The following RASGRP3 variants were observed in gnomAD, a reference collection of about 807,000 sequenced individuals.
RASGRP3 encodes RAS guanyl releasing protein 3.
In RASGRP3, 54 loss-of-function variants were observed where a neutral mutation model predicts 82.7. The observed-to-expected ratio is 0.65, with a 90% CI of 0.52 to 0.82. The LOEUF (loss-of-function observed/expected upper bound fraction) is 0.82. Among genes scored for constraint, RASGRP3 ranks in the 40% least tolerant of loss-of-function variants. The pLI is 0.00. For missense variants in RASGRP3, 861 were observed against 828.9 expected, an observed-to-expected ratio of 1.04 and a Z score of -0.48; for synonymous variants, 309 against 300.5, an observed-to-expected ratio of 1.03 and a Z score of -0.29.
At chr2:33,517,622 A>G (rs1307874475) in intron 4 of RASGRP3, among the ~76,000 whole-genome samples, 1 of 152,194 alleles carries the variant, frequency 6.6e-6, no homozygotes, top group Non-Finnish European at 1.5e-5. Flanking sequence ...ACAGTCTATA[A>G]GGTCTGTGGA....
intron 1 of RASGRP3, among the ~76,000 whole-genome samples, chr2:33,496,296 G>A (rs1274704002): frequency 6.6e-6 from 1 of 152,208 alleles, no homozygotes; most frequent in African/African-American, 2.4e-5. Context: ...GTGTGGACAG[G>A]AACTCTGCTC....
intron 2 of RASGRP3, among the ~76,000 whole-genome samples, chr2:33,463,701 C>T (rs1047832468): frequency 6.0e-5 from 9 of 149,556 alleles, no homozygotes; most frequent in South Asian, 4.2e-4. Context: ...CAGGTTCAAG[C>T]GATTCTCCTG....
At chr2:33,546,055 C>G (rs1369426815) in intron 13 of RASGRP3, among the ~76,000 whole-genome samples, 1 of 151,902 alleles carries the variant, frequency 6.6e-6, no homozygotes, top group Non-Finnish European at 1.5e-5. Flanking sequence ...GGTGATCCAC[C>G]TGCCTTGGCC....
chr2:33,535,493 G>C (rs1673517752), intron 11 of RASGRP3, among the ~76,000 whole-genome samples: 1 of 152,224 alleles, frequency 6.6e-6, no homozygotes, highest in Non-Finnish European at 1.5e-5. Flanking sequence ...TGCCCCCTAA[G>C]TTTATTAATA....
At position 33,559,019 on chromosome 2, in the gene RASGRP3, C is replaced by G; in HGVS notation, c.2053C>G (p.Gln685Glu). 1 of 1,606,272 alleles carries G rather than the reference C, an allele frequency of 6.2e-7. No homozygotes were observed. The highest frequency in any genetic ancestry group is 8.5e-7 in the Non-Finnish European group (1 of 1,176,808). The change falls in exon 17 of 18, where the codon CAG (glutamine) becomes GAG (glutamate). Residue 685 changes from glutamine to glutamate, a missense_variant. By Grantham distance (29) the Gln-to-Glu change is conservative. Coordinates refer to ENST00000403687, the MANE Select transcript of RASGRP3 (RefSeq NM_001139488.2). ...LDQDEGEETR[Q>E]DGEDG ...CCAGGATGAAGGAGAAGAGACCAGACAGGATGGTGAGGTAAGTGCTAGGTC... is the reference window on the plus strand; with the variant it reads ...CCAGGATGAAGGAGAAGAGACCAGAGAGGATGGTGAGGTAAGTGCTAGGTC...
intron 1 of RASGRP3, among the ~76,000 whole-genome samples, chr2:33,439,686 A>G (rs1574207685): frequency 6.6e-6 from 1 of 152,192 alleles, no homozygotes; most frequent in East Asian, 1.9e-4. Context: ...CTTCAAGGGA[A>G]CTGAGAGTCA....
At chr2:33,549,574 A>G (rs1675173035) in intron 13 of RASGRP3, 30 bp from the exon 14 acceptor site, 1 of 1,594,754 alleles carries the variant, frequency 6.3e-7, no homozygotes, top group East Asian at 2.2e-5. Context: ...TTATTTAAAG[A>G]TTCCCTCCCT....
chr2:33,493,096 C>G (rs1668998018), intron 1 of RASGRP3: 1 of 152,102 alleles, frequency 6.6e-6, no homozygotes, highest in South Asian at 2.1e-4. Context: ...AACCAAGGGG[C>G]CTCTTTGAAT....
rs1248471257 is a variant in RASGRP3 at position 33,543,529 on chromosome 2, T to C, written c.1296T>C (p.Tyr432=). 3 of 1,605,172 alleles carry C rather than the reference T, an allele frequency of 1.9e-6. No homozygotes were observed. Among genetic ancestry groups the C allele is most frequent in the African/African-American group, 2.7e-5 (2 of 74,736 alleles). ...CTTTGCAGTCTGTATTTAGAAACTATGATCACGACCATGATGGGTACATTT... is the reference window on the plus strand; with the variant it reads ...CTTTGCAGTCTGTATTTAGAAACTACGATCACGACCATGATGGGTACATTT... ...RKLVESVFRN[Y]DHDHDGYISQ... Residue 432 remains tyrosine (Y), a synonymous_variant, in exon 13 of 18, where the codon TAT becomes TAC. Coordinates refer to ENST00000403687, the MANE Select transcript of RASGRP3 (RefSeq NM_001139488.2).
At chr2:33,530,552 G>C (rs1342288863) in intron 10 of RASGRP3, among the ~76,000 whole-genome samples, 2 of 143,760 alleles carry the variant, frequency 1.4e-5, no homozygotes, top group East Asian at 4.0e-4. Context: ...ATTTACAAAG[G>C]ACAGGGAGCA....
At chr2:33,503,972 TA>T in intron 1 of RASGRP3, among the ~76,000 whole-genome samples, 1 of 152,306 alleles carries the variant, frequency 6.6e-6, no homozygotes, top group Middle Eastern at 3.4e-3. Flanking sequence ...TTTGTGCCTT[TA>T]AAAAAATCCA....
At chr2:33,503,760 T>C (rs544837481) in intron 1 of RASGRP3, among the ~76,000 whole-genome samples, 1 of 152,306 alleles carries the variant, frequency 6.6e-6, no homozygotes, top group African/African-American at 2.4e-5. Flanking sequence ...ACTTAGATGA[T>C]AACATAGTAC....
At position 33,562,848 on chromosome 2, in the gene RASGRP3, T is replaced by C; in HGVS notation, c.*111T>C. The stretch of plus-strand genomic sequence containing the variant: ...GAAGTTATCTGGAAAGATACCTGGA[T>C]GTTTACTGCCTTGGGACACTGTGGG... On this transcript the variant is annotated 3_prime_UTR_variant, in exon 18 of 18. Coordinates refer to ENST00000403687, the MANE Select transcript of RASGRP3 (RefSeq NM_001139488.2). The C allele has an allele frequency of 1.4e-6, 2 of 1,398,066 alleles. No homozygotes were observed. Among genetic ancestry groups the C allele is most frequent in the Non-Finnish European group, 2.0e-6 (2 of 997,924 alleles). The allele number at this position is 1,398,066 out of a possible 1,614,324, so 86.6% of individuals were successfully genotyped here.
intron 7 of RASGRP3, 25 bp from the exon 8 acceptor site, chr2:33,523,854 G>T: frequency 6.3e-7 from 1 of 1,579,064 alleles, no homozygotes; most frequent in Non-Finnish European, 8.6e-7. Context: ...TTATAATTCA[G>T]AGTCTCTGAA....
intron 10 of RASGRP3, chr2:33,533,257 C>T (rs1010151333): frequency 2.0e-5 from 3 of 152,150 alleles, no homozygotes; most frequent in African/African-American, 7.2e-5. Context: ...TGTTCTCCAG[C>T]CTGGATCTGT....
At position 33,520,571 on chromosome 2, in the gene RASGRP3, T is replaced by C. The variant is rs778703968; in HGVS notation, c.255T>C (p.Phe85=). The change falls in exon 6 of 18, where the codon TTT becomes TTC. Residue 85 remains phenylalanine (F), a synonymous_variant. Coordinates refer to ENST00000403687, the MANE Select transcript of RASGRP3 (RefSeq NM_001139488.2). ...CYFMRYWILK[F]PAEFNLDLGL... Reference sequence around the variant, plus strand: ...CTTTCAGGTACTGGATTCTGAAGTTTCCTGCAGAGTTTAATTTGGATCTTG... The same window carrying C: ...CTTTCAGGTACTGGATTCTGAAGTTCCCTGCAGAGTTTAATTTGGATCTTG... 3 of 1,613,928 alleles carry C rather than the reference T, an allele frequency of 1.9e-6. No homozygotes were observed. The highest frequency in any genetic ancestry group is 2.7e-5 in the African/African-American group (2 of 74,928).
chr2:33,450,116 T>C (rs112178609), intron 2 of RASGRP3, among the ~76,000 whole-genome samples: 48 of 152,302 alleles, frequency 3.2e-4, no homozygotes, highest in African/African-American at 1.1e-3. Flanking sequence ...ATTAAGATAT[T>C]GACAAACTAA....
intron 6 of RASGRP3, among the ~76,000 whole-genome samples, chr2:33,521,751 C>T (rs927074572): frequency 6.6e-6 from 1 of 152,216 alleles, no homozygotes; most frequent in African/African-American, 2.4e-5. Context: ...CAGTGCAAAA[C>T]CTACCCTGTC....
chr2:33,472,870 C>CAAAAAAAAAAAAAAA (rs57159320), upstream of RASGRP3, among the ~76,000 whole-genome samples: 1 of 68,096 alleles, frequency 1.5e-5, no homozygotes. Context: ...GACTCCGTCT[C>CAAAAAAAAAAAAAAA]AAAAAAAAAA....
Sources: gnomAD v4.1 joint callset for allele counts (sites outside exome capture counted in the v4.1 genomes callset) on GRCh38, gnomAD v4.1.1 for gene constraint, MANE v1.5 for transcripts, NCBI Gene and HGNC (gene_info 2026-07-23, HGNC 2026-07-21) for gene names.